Variants in MYO6 observed in about 807,000 individuals in gnomAD.
MYO6 encodes the protein myosin VI, also known as unconventional myosin-VI.
In MYO6, 74 loss-of-function variants were observed where a neutral mutation model predicts 178.7. The ratio of observed to expected loss-of-function variants is 0.41; its 90% CI spans 0.34 to 0.50. MYO6 has a LOEUF of 0.50. Among genes scored for constraint, MYO6 ranks in the 20% least tolerant of loss-of-function variants. The pLI, the probability that MYO6 is intolerant of heterozygous loss-of-function variation, is 0.09. For synonymous variants in MYO6, 477 were observed against 504.6 expected, an observed-to-expected ratio of 0.95 and a Z score of 0.73; for missense variants, 1,330 against 1,547.4, an observed-to-expected ratio of 0.86 and a Z score of 2.36.
intron 1 of MYO6, among the ~76,000 whole-genome samples, chr6:75,792,977 A>C (rs1178826460): frequency 1.3e-5 from 2 of 151,616 alleles, no homozygotes; most frequent in African/African-American, 4.9e-5. Context: ...TTTTTTGTAG[A>C]GACAAGATCT....
At position 75,915,879 on chromosome 6, in the gene MYO6, A is replaced by T. The variant is rs1294019220; in HGVS notation, c.*867A>T. The stretch of plus-strand genomic sequence containing the variant: ...ATCTCAATAGTGATTTTTGTATCAG[A>T]ATCTTGTCCAAGTTGTTTCATTGAT... On this transcript the variant is annotated 3_prime_UTR_variant, in exon 35 of 35. Transcript: ENST00000369977. The T allele has an allele frequency of 6.6e-6, 1 of 152,638 alleles. No individual in the cohort carries two copies. The highest frequency in any genetic ancestry group is 1.5e-5 in the Non-Finnish European group (1 of 68,022). The allele number at this position is 152,638 out of a possible 1,614,324, so 9.5% of individuals were successfully genotyped here. A position where few individuals can be genotyped will look rare whatever the true frequency, so the allele number is the denominator to read the frequency against.
At chr6:75,764,976 G>C (rs1778279251) in intron 1 of MYO6, among the ~76,000 whole-genome samples, 1 of 151,102 alleles carries the variant, frequency 6.6e-6, no homozygotes, top group Non-Finnish European at 1.5e-5. Context: ...TCCAGCCTGG[G>C]CGACAGAGCT....
chr6:75,808,356 A>G (rs1770313433), intron 1 of MYO6, among the ~76,000 whole-genome samples: 1 of 152,154 alleles, frequency 6.6e-6, no homozygotes, highest in Admixed American at 6.6e-5. Flanking sequence ...TCCATGGTGC[A>G]TGTACTCGGA....
chr6:75,898,448 C>G (rs752187960), intron 30 of MYO6, 37 bp downstream of exon 30: 10 of 1,540,386 alleles, frequency 6.5e-6, no homozygotes, highest in Non-Finnish European at 8.1e-6. Flanking sequence ...AAGTGTTCAC[C>G]TCAAAATCAT....
intron 20 of MYO6, among the ~76,000 whole-genome samples, chr6:75,876,398 A>G (rs1406454667): frequency 6.6e-6 from 1 of 152,210 alleles, no homozygotes; most frequent in African/African-American, 2.4e-5. Flanking sequence ...GAATGGAATG[A>G]ACAGTGTAGA....
In MYO6 at chr6:75,808,753, T is replaced by C. The variant is rs1770366287; in HGVS notation, c.-47-8748T>C. ...AGCCACAGGAGGTTCTGAGGACATG[T>C]ACCCAAGGTGGTCAGGGCACAACTT... On this transcript the variant is annotated intron_variant, in intron 1 of 34. Transcript: ENST00000369977. 2.0e-5 allele frequency among the ~76,000 whole-genome samples: 3 copies of C among 152,212 alleles called. No homozygotes were observed. In the South Asian group the frequency reaches 6.2e-4, roughly 31 times the overall value.
chr6:75,792,590 A>T (rs890859382), intron 1 of MYO6, among the ~76,000 whole-genome samples: 2 of 152,088 alleles, frequency 1.3e-5, no homozygotes, highest in African/African-American at 4.8e-5. Flanking sequence ...TTAGAATATA[A>T]CATTTTCAAA....
At chr6:75,827,204 T>C (rs1413808763) in intron 3 of MYO6, among the ~76,000 whole-genome samples, 1 of 152,136 alleles carries the variant, frequency 6.6e-6, no homozygotes, top group Non-Finnish European at 1.5e-5. Context: ...GTAAGAACCA[T>C]AAAGAAATTG....
chr6:75,867,830 C>T (rs759193614), intron 18 of MYO6, among the ~76,000 whole-genome samples: 4 of 151,948 alleles, frequency 2.6e-5, no homozygotes, highest in Admixed American at 1.3e-4. Flanking sequence ...CAGGGTTTGT[C>T]TTAGAACACT....
In MYO6 at chr6:75,823,002, G is replaced by A. The variant is rs2273859; in HGVS notation, c.187+151G>A. 257,451 of 649,460 alleles carry A rather than the reference G, an allele frequency of 0.4. 54,193 individuals are homozygous for A. Among genetic ancestry groups the A allele is most frequent in the Admixed American group, 0.57 (23,092 of 40,594 alleles). 40.2% of individuals were successfully genotyped at this position (649,460 alleles called of 1,614,324 possible). A position where few individuals can be genotyped will look rare whatever the true frequency, so the allele number is the denominator to read the frequency against. On this transcript the variant is annotated intron_variant, in intron 3 of 34. Coordinates refer to ENST00000369977, the MANE Select transcript of MYO6 (RefSeq NM_004999.4). ...AATATTCATGTGAATGAAGGAACTC[G>A]AGTCCTCCATGTTGTCTCACATTTG...
intron 1 of MYO6, among the ~76,000 whole-genome samples, chr6:75,815,633 G>A (rs1045894771): frequency 1.3e-5 from 2 of 152,334 alleles, no homozygotes; most frequent in Non-Finnish European, 2.9e-5. Context: ...ACCTGATAGC[G>A]TTTGCTGGAT....
At chr6:75,900,640 G>A (rs1779690086) in intron 30 of MYO6, among the ~76,000 whole-genome samples, 2 of 152,146 alleles carry the variant, frequency 1.3e-5, no homozygotes, top group South Asian at 4.1e-4. Flanking sequence ...TTAGCCCTTT[G>A]TCAGATGAGT....
intron 1 of MYO6, among the ~76,000 whole-genome samples, chr6:75,764,150 A>T (rs761960315): frequency 2.0e-5 from 3 of 151,990 alleles, no homozygotes; most frequent in Non-Finnish European, 4.4e-5. Context: ...GGCTCAAGTG[A>T]TCCTCCACCT....
At position 75,749,366 on chromosome 6, in the gene MYO6, C is replaced by G. The variant is rs1476639341; in HGVS notation, c.-105C>G. The G allele has an allele frequency of 1.3e-5, 2 of 153,390 alleles. No homozygotes were observed. The highest frequency in any genetic ancestry group is 2.4e-5 in the African/African-American group (1 of 41,470). 9.5% of individuals were successfully genotyped at this position (153,390 alleles called of 1,614,324 possible). A position where few individuals can be genotyped will look rare whatever the true frequency, so the allele number is the denominator to read the frequency against. ...CCCTCATCACTTCTCACCGCGCCCTCCAGCTTCACCCGTACAGGTAGCCCC... is the reference window on the plus strand; with the variant it reads ...CCCTCATCACTTCTCACCGCGCCCTGCAGCTTCACCCGTACAGGTAGCCCC... On this transcript the variant is annotated 5_prime_UTR_variant, in exon 1 of 35. Transcript: ENST00000369977.
chr6:75,769,358 T>C (rs1332641250), intron 1 of MYO6, among the ~76,000 whole-genome samples: 1 of 152,072 alleles, frequency 6.6e-6, no homozygotes, highest in Non-Finnish European at 1.5e-5. Context: ...GCCTGTAAAA[T>C]CAAAACAAGT....
chr6:75,904,372 A>G (rs1343491234), intron 30 of MYO6, among the ~76,000 whole-genome samples: 2 of 151,670 alleles, frequency 1.3e-5, no homozygotes, highest in Non-Finnish European at 2.9e-5. Context: ...CACCAGTCAG[A>G]CATAGATTTG....
chr6:75,818,768 A>G (rs1771555641), intron 2 of MYO6, among the ~76,000 whole-genome samples: 1 of 152,132 alleles, frequency 6.6e-6, no homozygotes, highest in South Asian at 2.1e-4. Flanking sequence ...ATGTTAGAGG[A>G]GGCCAGTTAA....
chr6:75,814,022 G>C (rs1770961008), intron 1 of MYO6, among the ~76,000 whole-genome samples: 1 of 152,136 alleles, frequency 6.6e-6, no homozygotes, highest in Non-Finnish European at 1.5e-5. Context: ...GTTCTCACTA[G>C]GTCACATGCT....
chr6:75,880,575 C>T (rs545167791), intron 22 of MYO6, among the ~76,000 whole-genome samples: 18 of 152,268 alleles, frequency 1.2e-4, no homozygotes, highest in African/African-American at 3.4e-4. Context: ...CCACATGTGG[C>T]CCATGGACTA....
Sources: gnomAD v4.1 joint callset for allele counts (sites outside exome capture counted in the v4.1 genomes callset) on GRCh38, gnomAD v4.1.1 for gene constraint, MANE v1.5 for transcripts, NCBI Gene and HGNC (gene_info 2026-07-23, HGNC 2026-07-21) for gene names.